Variants in NCAM1 observed in about 807,000 individuals in gnomAD.
NCAM1 encodes the protein neural cell adhesion molecule 1, also known as antigen recognized by monoclonal antibody 5.1H11.
In NCAM1, 14 loss-of-function variants were observed where a neutral mutation model predicts 109.8. The observed-to-expected ratio is 0.13, with a 90% CI of 0.08 to 0.20. The LOEUF is 0.20. NCAM1 is among the 10% of genes least tolerant of loss of function. NCAM1 has a pLI of 1.00. For missense variants in NCAM1, 774 were observed against 1,109.9 expected, an observed-to-expected ratio of 0.70 and a Z score of 4.30; for synonymous variants, 418 against 442.9, an observed-to-expected ratio of 0.94 and a Z score of 0.70.
At chr11:113,147,128 T>C (rs10891517) in intron 1 of NCAM1, among the ~76,000 whole-genome samples, 17,281 of 152,184 alleles carry the variant, frequency 0.11, 1,104 homozygotes, top group East Asian at 0.26. Flanking sequence ...GGAAAAGGCC[T>C]ACAAAACTTG....
intron 4 of NCAM1, 112 bp downstream of exon 4, chr11:113,205,778 C>G: frequency 7.1e-7 from 1 of 1,412,744 alleles, no homozygotes; most frequent in Non-Finnish European, 9.6e-7. Context: ...TGTGCCCGAA[C>G]CCTCATGTGG....
In NCAM1 at chr11:113,277,861, A is replaced by G. The variant is rs1312556891; in HGVS notation, c.*2474A>G. ...AGAGTTTTTCCTTTAAAAAAAAAAA[A>G]AAAAAAAAAAAAAAAGCAATGCTTT... On this transcript the variant is annotated 3_prime_UTR_variant, in exon 20 of 20. Coordinates refer to ENST00000316851, the MANE Select transcript of NCAM1 (RefSeq NM_181351.5). 1 of 151,028 alleles carries G rather than the reference A, an allele frequency of 6.6e-6. No homozygotes were observed. The highest frequency in any genetic ancestry group is 6.6e-5 in the Admixed American group (1 of 15,210). 9.4% of individuals were successfully genotyped at this position (151,028 alleles called of 1,614,324 possible).
intron 7 of NCAM1, among the ~76,000 whole-genome samples, chr11:113,212,633 T>C (rs1411749659): frequency 6.6e-6 from 1 of 152,244 alleles, no homozygotes; most frequent in East Asian, 1.9e-4. Context: ...AATTCAGTTG[T>C]ATGGCCACAT....
At chr11:113,149,661 T>G (rs950686592) in intron 1 of NCAM1, among the ~76,000 whole-genome samples, 1 of 152,222 alleles carries the variant, frequency 6.6e-6, no homozygotes, top group Non-Finnish European at 1.5e-5. Context: ...AAAAATTTAT[T>G]TTTTTACCTT....
At chr11:113,244,654 CGTGTGTGTGTGTGTGTGTGTGTGT>C (rs55798470) in intron 14 of NCAM1, among the ~76,000 whole-genome samples, 1 of 149,762 alleles carries the variant, frequency 6.7e-6, no homozygotes, top group African/African-American at 2.5e-5. Context: ...TGTGTGTGTG[CGTGTGTGTGTGTGTGTGTGTGTGT>C]GTGTGTGTGG....
intron 1 of NCAM1, among the ~76,000 whole-genome samples, chr11:113,200,286 T>C (rs1944009876): frequency 6.6e-6 from 1 of 152,188 alleles, no homozygotes; most frequent in African/African-American, 2.4e-5. Context: ...TCCCAGAGAA[T>C]GAGAGCCACG....
At chr11:113,104,976 T>G (rs1413229671) in intron 1 of NCAM1, among the ~76,000 whole-genome samples, 1 of 152,208 alleles carries the variant, frequency 6.6e-6, no homozygotes, top group East Asian at 1.9e-4. Context: ...TTGAATGAGG[T>G]GGTGTCACAG....
At chr11:113,053,059 G>T (rs369009980) in intron 1 of NCAM1, among the ~76,000 whole-genome samples, 1 of 152,264 alleles carries the variant, frequency 6.6e-6, no homozygotes, top group East Asian at 1.9e-4. Flanking sequence ...AATTGCAGAG[G>T]CTCTAACAGA....
At chr11:113,132,999 G>C (rs1011304693) in intron 1 of NCAM1, 12 of 152,346 alleles carry the variant, frequency 7.9e-5, no homozygotes, top group Admixed American at 4.6e-4. Flanking sequence ...CTCTTCTCAG[G>C]TTCAGGAGAA....
At chr11:113,088,881 G>A (rs1555088818) in intron 1 of NCAM1, among the ~76,000 whole-genome samples, 3 of 152,132 alleles carry the variant, frequency 2.0e-5, no homozygotes, top group Admixed American at 1.3e-4. Flanking sequence ...AGTGTTGAAG[G>A]ATATTATTTA....
chr11:113,257,958 A>G (rs1169934915), intron 16 of NCAM1, among the ~76,000 whole-genome samples: 4 of 152,232 alleles, frequency 2.6e-5, no homozygotes, highest in African/African-American at 9.6e-5. Flanking sequence ...GCATTTGCCC[A>G]TGCAGCATGA....
At chr11:113,060,826 C>G (rs1953889575) in intron 1 of NCAM1, among the ~76,000 whole-genome samples, 1 of 152,164 alleles carries the variant, frequency 6.6e-6, no homozygotes, top group East Asian at 1.9e-4. Flanking sequence ...TGTCACTAGT[C>G]ACTCTGAATT....
In NCAM1 at chr11:113,113,210, G is replaced by A. The variant is rs185229470; in HGVS notation, c.53-89169G>A. 7.8e-3 allele frequency among the ~76,000 whole-genome samples: 1,190 copies of A among 152,244 alleles called. 19 individuals are homozygous for A. Among genetic ancestry groups the A allele is most frequent in the Non-Finnish European group, 7.0e-3 (474 of 68,020 alleles). On this transcript the variant is annotated intron_variant, in intron 1 of 19. Coordinates refer to ENST00000316851, the MANE Select transcript of NCAM1 (RefSeq NM_181351.5). ...TCATATCTTTTCTGTATCTAAAATT[G>A]TTATCCTCTGACCTAGTAGAAAGGG...
Position 113,157,224 on chromosome 11 carries a change from A to G in NCAM1, c.53-45155A>G, listed in dbSNP as rs375365690. 7.9e-5 allele frequency among the ~76,000 whole-genome samples: 12 copies of G among 152,184 alleles called. No individual in the cohort carries two copies. In the South Asian group the frequency reaches 2.1e-3, roughly 26 times the overall value. On this transcript the variant is annotated intron_variant, in intron 1 of 19. Transcript: ENST00000316851. ...CTGAGGCACACAGCATGTCGTTTGC[A>G]CTGTTGGGTCCAACAGAGAAATGAA... is the stretch of plus-strand genomic sequence containing the variant.
chr11:113,185,079 T>TATATATAG, intron 1 of NCAM1, among the ~76,000 whole-genome samples: 11 of 125,748 alleles, frequency 8.7e-5, no homozygotes, highest in South Asian at 4.7e-4. Flanking sequence ...TATATATATA[T>TATATATAG]AGAGAGAGAG....
intron 9 of NCAM1, chr11:113,221,535 C>A: frequency 2.0e-6 from 1 of 503,012 alleles, no homozygotes; most frequent in South Asian, 2.9e-5. Context: ...CATATTATTT[C>A]CTAAAACTGG....
At chr11:113,083,131 A>G (rs1448634931) in intron 1 of NCAM1, among the ~76,000 whole-genome samples, 1 of 151,936 alleles carries the variant, frequency 6.6e-6, no homozygotes, top group Non-Finnish European at 1.5e-5. Flanking sequence ...GTTTAGTTTA[A>G]CAAGTCTCTG....
intron 1 of NCAM1, among the ~76,000 whole-genome samples, chr11:112,970,502 G>T (rs990675499): frequency 6.6e-6 from 1 of 152,140 alleles, no homozygotes; most frequent in African/African-American, 2.4e-5. Flanking sequence ...ACCTGTATGC[G>T]GGGAAAGGAC....
chr11:113,103,043 T>G (rs989218729), intron 1 of NCAM1, among the ~76,000 whole-genome samples: 1 of 152,192 alleles, frequency 6.6e-6, no homozygotes, highest in Non-Finnish European at 1.5e-5. Flanking sequence ...CATTCTCTGG[T>G]TAAGTACAGG....
Sources: gnomAD v4.1 joint callset for allele counts (sites outside exome capture counted in the v4.1 genomes callset) on GRCh38, gnomAD v4.1.1 for gene constraint, MANE v1.5 for transcripts, NCBI Gene and HGNC (gene_info 2026-07-23, HGNC 2026-07-21) for gene names.